The following VTI1A variants were observed in gnomAD, a reference collection of about 807,000 sequenced individuals.
VTI1A encodes vesicle transport through interaction with t-SNAREs homolog 1A.
In VTI1A, 22 loss-of-function variants were observed where a neutral mutation model predicts 34.9. The observed-to-expected ratio is 0.63, with a 90% CI of 0.45 to 0.90. The LOEUF is 0.90. Among genes scored for constraint, VTI1A ranks in the 40% least tolerant of loss-of-function variants. The pLI, the probability that VTI1A is intolerant of heterozygous loss-of-function variation, is 0.00. For missense variants in VTI1A, 268 were observed against 275.6 expected (o/e 0.97, Z 0.20); for synonymous variants, 87 against 97.3 (o/e 0.89, Z 0.62).
chr10:112,464,754 A>T, intron 3 of VTI1A, 97 bp downstream of exon 3: 1 of 1,022,136 alleles, frequency 9.8e-7, no homozygotes, highest in South Asian at 1.5e-5. Flanking sequence ...TTTTGGGCTC[A>T]TGTAGAAGAC....
chr10:112,567,237 C>T (rs1851937336), intron 5 of VTI1A, among the ~76,000 whole-genome samples: 1 of 152,046 alleles, frequency 6.6e-6, no homozygotes, highest in East Asian at 1.9e-4. Flanking sequence ...GCCATGTTGC[C>T]CAGGCTGTCT....
chr10:112,676,754 A>G (rs1318081830), intron 7 of VTI1A, among the ~76,000 whole-genome samples: 2 of 152,224 alleles, frequency 1.3e-5, no homozygotes. Context: ...TTCCAGTTGC[A>G]TGTGGCAGAA....
At chr10:112,800,937 A>G (rs1412686321) in intron 7 of VTI1A, among the ~76,000 whole-genome samples, 1 of 152,222 alleles carries the variant, frequency 6.6e-6, no homozygotes, top group Non-Finnish European at 1.5e-5. Flanking sequence ...GGTGTGTGGT[A>G]GATCCTAGAT....
At chr10:112,716,170 C>T (rs557682493) in intron 7 of VTI1A, among the ~76,000 whole-genome samples, 8 of 152,234 alleles carry the variant, frequency 5.3e-5, no homozygotes, top group African/African-American at 1.7e-4. Context: ...AAATTTCTGA[C>T]GAAGTGTTCT....
At chr10:112,489,078 G>A (rs1181697602) in intron 3 of VTI1A, among the ~76,000 whole-genome samples, 2 of 152,138 alleles carry the variant, frequency 1.3e-5, no homozygotes, top group African/African-American at 4.8e-5. Flanking sequence ...TAATACACAG[G>A]TTGCTGGGTC....
chr10:112,820,500 A>C (rs1485745404), downstream of VTI1A, among the ~76,000 whole-genome samples: 1 of 152,238 alleles, frequency 6.6e-6, no homozygotes, highest in Non-Finnish European at 1.5e-5. Flanking sequence ...CTGGCCACAT[A>C]ATGTCAGCAG....
chr10:112,469,665 C>T (rs1406770992), intron 3 of VTI1A, among the ~76,000 whole-genome samples: 1 of 152,186 alleles, frequency 6.6e-6, no homozygotes, highest in African/African-American at 2.4e-5. Context: ...GCTCTCTCGC[C>T]TATGTTTGTT....
intron 3 of VTI1A, among the ~76,000 whole-genome samples, chr10:112,472,551 A>G (rs1002384368): frequency 1.3e-5 from 2 of 149,278 alleles, no homozygotes; most frequent in African/African-American, 4.9e-5. Context: ...TTTTTTTTTA[A>G]CTCGAGATAG....
intron 7 of VTI1A, among the ~76,000 whole-genome samples, chr10:112,768,811 C>T (rs1331161067): frequency 6.6e-6 from 1 of 152,126 alleles, no homozygotes; most frequent in Admixed American, 6.5e-5. Context: ...GTGTTATAAT[C>T]ATGGAGCCTC....
intron 7 of VTI1A, among the ~76,000 whole-genome samples, chr10:112,795,774 T>C (rs1211234366): frequency 6.6e-6 from 1 of 152,172 alleles, no homozygotes; most frequent in Non-Finnish European, 1.5e-5. Flanking sequence ...TAAATTAGTC[T>C]ATTATGTTTC....
chr10:112,774,493 C>T, intron 7 of VTI1A, among the ~76,000 whole-genome samples: 1 of 152,162 alleles, frequency 6.6e-6, no homozygotes. Flanking sequence ...TCTGACAGCT[C>T]TAACCAGTCT....
chr10:112,802,466 T>C (rs1013872262), intron 7 of VTI1A, among the ~76,000 whole-genome samples: 2 of 152,128 alleles, frequency 1.3e-5, no homozygotes, highest in African/African-American at 4.8e-5. Flanking sequence ...GGGATGATAA[T>C]AGGCCCCAGC....
At chr10:112,607,376 G>A (rs528494886) in intron 5 of VTI1A, among the ~76,000 whole-genome samples, 2 of 152,058 alleles carry the variant, frequency 1.3e-5, no homozygotes, top group South Asian at 4.2e-4. Flanking sequence ...TAGCAGAGCA[G>A]TTATACTTCC....
At chr10:112,745,119 T>C (rs1850848512) in intron 7 of VTI1A, among the ~76,000 whole-genome samples, 1 of 152,232 alleles carries the variant, frequency 6.6e-6, no homozygotes, top group African/African-American at 2.4e-5. Context: ...TCCCTATGTT[T>C]TTTGGCTGCA....
At chr10:112,702,792 G>GC (rs1849056705) in intron 7 of VTI1A, among the ~76,000 whole-genome samples, 1 of 152,180 alleles carries the variant, frequency 6.6e-6, no homozygotes, top group Non-Finnish European at 1.5e-5. Context: ...CACCATATTG[G>GC]CCAGGCTGGT....
At chr10:112,826,798 C>T in the VTI1A span, 1 of 152,214 alleles carries the variant, frequency 6.6e-6, no homozygotes, top group African/African-American at 2.4e-5. Flanking sequence ...AGCTTTCAGT[C>T]TGCTTTGTCT....
intron 7 of VTI1A, among the ~76,000 whole-genome samples, chr10:112,706,216 A>T (rs943269111): frequency 4.6e-5 from 7 of 152,194 alleles, no homozygotes; most frequent in African/African-American, 1.7e-4. Context: ...TCCTGAGAAC[A>T]TGTCTTTTAG....
At chr10:112,803,574 C>T (rs1852957150) in intron 7 of VTI1A, among the ~76,000 whole-genome samples, 1 of 152,216 alleles carries the variant, frequency 6.6e-6, no homozygotes, top group Non-Finnish European at 1.5e-5. Flanking sequence ...ATATCTCTTC[C>T]CCTCTCACAG....
chr10:112,570,855 A>G (rs921729597), intron 5 of VTI1A, among the ~76,000 whole-genome samples: 1 of 152,276 alleles, frequency 6.6e-6, no homozygotes, highest in Admixed American at 6.5e-5. Context: ...AACTAGACTA[A>G]TAATAACCAT....
Sources: allele counts gnomAD v4.1 joint callset (sites outside exome capture counted in the v4.1 genomes callset), GRCh38; gene constraint gnomAD v4.1.1; transcripts MANE v1.5; gene names NCBI Gene and HGNC (gene_info 2026-07-23, HGNC 2026-07-21).